TMEM131: variants seen among roughly 807,000 people sequenced by gnomAD.
TMEM131 encodes 2610524E03Rik.
Under a neutral mutation model 211.6 loss-of-function variants are expected in TMEM131, and 66 were observed. The observed-to-expected ratio is 0.31, with a 90% CI of 0.26 to 0.38. The LOEUF is 0.38. Ranked by LOEUF, TMEM131 falls within the 10% of genes least tolerant of loss-of-function variation. The pLI is 1.00. For missense variants in TMEM131, 2,036 were observed against 2,299.3 expected (o/e 0.89, Z 2.34); for synonymous variants, 844 against 841.3 (o/e 1.00, Z -0.06).
intron 1 of TMEM131, among the ~76,000 whole-genome samples, chr2:97,932,073 C>A: frequency 6.7e-6 from 1 of 149,672 alleles, no homozygotes; most frequent in East Asian, 2.0e-4. Flanking sequence ...GCCCAGGGGG[C>A]AGAGGTTGCA....
chr2:97,830,151 A>AAAAAAC (rs1682600836), intron 11 of TMEM131, among the ~76,000 whole-genome samples: 1 of 150,790 alleles, frequency 6.6e-6, no homozygotes, highest in South Asian at 2.1e-4. Context: ...AAAAAAAAAA[A>AAAAAAC]AAAAACCAAA....
intron 5 of TMEM131, among the ~76,000 whole-genome samples, chr2:97,848,955 C>T (rs558227926): frequency 1.6e-4 from 24 of 152,212 alleles, no homozygotes; most frequent in African/African-American, 5.3e-4. Flanking sequence ...GGAACTCTCA[C>T]GAACTCAATG....
At chr2:97,793,616 CG>C in intron 29 of TMEM131, 63 bp from the exon 30 acceptor site, 1 of 1,475,026 alleles carries the variant, frequency 6.8e-7, no homozygotes, top group African/African-American at 1.4e-5. Flanking sequence ...CAACAAAATT[CG>C]ATGTTAAAGG....
intron 28 of TMEM131, 118 bp from the exon 29 acceptor site, chr2:97,795,233 T>G (rs1680703560): frequency 1.6e-6 from 1 of 634,640 alleles, no homozygotes; most frequent in African/African-American, 1.9e-5. Flanking sequence ...TTGATACTTT[T>G]ACTCAACTTC....
chr2:97,831,005 G>C (rs1573428985), intron 11 of TMEM131, among the ~76,000 whole-genome samples: 1 of 152,204 alleles, frequency 6.6e-6, no homozygotes, highest in Admixed American at 6.5e-5. Flanking sequence ...TGCAGAAAAT[G>C]CTGAAACACA....
At chr2:97,808,919 G>A (rs1046137235) in intron 19 of TMEM131, among the ~76,000 whole-genome samples, 1 of 152,116 alleles carries the variant, frequency 6.6e-6, no homozygotes, top group African/African-American at 2.4e-5. Context: ...AAGGGCATTC[G>A]AGGCAAAGAA....
At position 97,790,152 on chromosome 2, in the gene TMEM131, G is replaced by A. The variant is rs1680432811; in HGVS notation, c.4144+2234C>T. On this transcript the variant is annotated intron_variant, in intron 31 of 40. Transcript: ENST00000186436. ...AAATCTGCTATTTGCAGGGGTGTGG[G>A]GGTAGGCTTTTGAAAGATTATAAAG... 2.0e-5 allele frequency among the ~76,000 whole-genome samples: 3 copies of A among 152,262 alleles called. No homozygotes were observed. The South Asian group carries it at 6.2e-4, about 32-fold the overall frequency.
chr2:97,757,951 T>C (rs996709398), intron 40 of TMEM131, among the ~76,000 whole-genome samples: 1 of 152,064 alleles, frequency 6.6e-6, no homozygotes, highest in African/African-American at 2.4e-5. Flanking sequence ...GCTAACATGG[T>C]GAAACCCCGT....
At chr2:97,865,489 A>G (rs1301246539) in intron 4 of TMEM131, among the ~76,000 whole-genome samples, 1 of 152,236 alleles carries the variant, frequency 6.6e-6, no homozygotes, top group East Asian at 1.9e-4. Context: ...TATTATCATG[A>G]AAGGATGTTA....
At chr2:97,939,444 G>C (rs1215310435) in intron 1 of TMEM131, among the ~76,000 whole-genome samples, 1 of 152,090 alleles carries the variant, frequency 6.6e-6, no homozygotes, top group African/African-American at 2.4e-5. Context: ...ATAAATTCCT[G>C]GACACATACT....
chr2:97,812,681 T>C lies in TMEM131; in HGVS notation c.1686A>G (p.Ala562=). 2 of 1,601,612 alleles carry C rather than the reference T, an allele frequency of 1.2e-6. No homozygotes were observed. The highest frequency in any genetic ancestry group is 1.1e-5 in the South Asian group (1 of 87,690). Reference sequence around the variant, plus strand: ...TTATAATTGCAAATAAAATATTACTTGCTTCTGTAGCACTCAGTACTCCAA... The same window carrying C: ...TTATAATTGCAAATAAAATATTACTCGCTTCTGTAGCACTCAGTACTCCAA... ...IDFGVLSATE[A]SNILFAIINS... is the part of the protein sequence containing the mutation. The change falls in exon 16 of 41, where the codon GCA becomes GCG. Residue 562 remains alanine, a synonymous_variant. Transcript: ENST00000186436.
chr2:97,764,058 A>C (rs1278370107), intron 35 of TMEM131: 1 of 152,234 alleles, frequency 6.6e-6, no homozygotes, highest in Non-Finnish European at 1.5e-5. Context: ...GAAATTATTC[A>C]AGGAGCATTT....
At chr2:97,863,119 C>A (rs1473559297) in intron 4 of TMEM131, among the ~76,000 whole-genome samples, 9 of 151,978 alleles carry the variant, frequency 5.9e-5, no homozygotes, top group Non-Finnish European at 1.3e-4. Context: ...CAAAAAAAAC[C>A]CCCACACTTT....
At chr2:97,930,026 C>G (rs1414740856) in intron 1 of TMEM131, among the ~76,000 whole-genome samples, 1 of 151,826 alleles carries the variant, frequency 6.6e-6, no homozygotes, top group Non-Finnish European at 1.5e-5. Flanking sequence ...CATTCCTCAC[C>G]TGTTCCCCCC....
intron 31 of TMEM131, among the ~76,000 whole-genome samples, chr2:97,780,859 A>C (rs1679962446): frequency 1.3e-5 from 2 of 151,434 alleles, no homozygotes; most frequent in South Asian, 2.1e-4. Context: ...AGCGGTTTAG[A>C]AAAACTCGGA....
chr2:97,894,272 G>A (rs796232845), intron 3 of TMEM131, among the ~76,000 whole-genome samples: 88 of 152,304 alleles, frequency 5.8e-4, no homozygotes, highest in African/African-American at 1.9e-3. Flanking sequence ...ATGCTGTTGT[G>A]GTTACTGCAG....
intron 1 of TMEM131, among the ~76,000 whole-genome samples, chr2:97,940,083 A>T (rs1237763077): frequency 6.6e-6 from 1 of 152,204 alleles, no homozygotes; most frequent in Non-Finnish European, 1.5e-5. Context: ...ATAGACAAAA[A>T]TTGGAAGCAT....
At chr2:97,883,561 C>T (rs988799749) in intron 4 of TMEM131, among the ~76,000 whole-genome samples, 4 of 152,110 alleles carry the variant, frequency 2.6e-5, no homozygotes, top group South Asian at 2.1e-4. Context: ...TTCATGACAC[C>T]GAACTGTTCT....
At chr2:97,820,555 T>G (rs72946451) in intron 11 of TMEM131, among the ~76,000 whole-genome samples, 1,604 of 152,186 alleles carry the variant, frequency 0.011, 33 homozygotes, top group African/African-American at 0.037. Context: ...GGCTCATTTT[T>G]CCCACCTGTA....
Sources: gnomAD v4.1 joint callset for allele counts (sites outside exome capture counted in the v4.1 genomes callset) on GRCh38, gnomAD v4.1.1 for gene constraint, MANE v1.5 for transcripts, NCBI Gene and HGNC (gene_info 2026-07-23, HGNC 2026-07-21) for gene names.